The following HNRNPL variants were observed in gnomAD, a reference collection of about 807,000 sequenced individuals.
HNRNPL encodes the protein heterogeneous nuclear ribonucleoprotein L.
A neutral mutation model predicts 64.0 loss-of-function variants in HNRNPL; 12 were observed. That is an observed-to-expected ratio of 0.19 (90% confidence interval 0.12 to 0.30). The LOEUF (loss-of-function observed/expected upper bound fraction) is 0.30, where lower values mean the gene tolerates loss of function less well. Ranked by LOEUF, HNRNPL falls within the 10% of genes least tolerant of loss-of-function variation. The pLI is 1.00. For missense variants in HNRNPL, 484 were observed against 797.4 expected (o/e 0.61, Z 4.73); for synonymous variants, 385 against 313.0 (o/e 1.23, Z -2.43).
intron 6 of HNRNPL, among the ~76,000 whole-genome samples, chr19:38,842,689 C>T (rs1465276753): frequency 6.6e-6 from 1 of 152,002 alleles, no homozygotes; most frequent in Non-Finnish European, 1.5e-5. Context: ...AGTATGGTTC[C>T]TGAGGGGTGG....
rs1009842458 is a variant in HNRNPL, at chr19:38,843,714, C to T, written c.880+128G>A. The T allele has an allele frequency of 7.2e-5, 55 of 759,114 alleles. 1 individual carries two copies. In the East Asian group the frequency reaches 1.3e-3, roughly 18 times the overall value. The allele number at this position is 759,114 out of a possible 1,614,324, so 47.0% of individuals were successfully genotyped here. On this transcript the variant is annotated intron_variant, in intron 6 of 12. Coordinates refer to ENST00000221419, the MANE Select transcript of HNRNPL (RefSeq NM_001533.3). ...CCCACTAGGGTGTCCAAGTGCTGAC[C>T]CCAAGGCCCTCCCATGTCCATGGGG...
intron 12 of HNRNPL, chr19:38,837,114 C>T: frequency 1.8e-6 from 1 of 559,350 alleles, no homozygotes; most frequent in Non-Finnish European, 3.2e-6. Context: ...CTAAGCCAGT[C>T]TCTGATGCAA....
At chr19:38,838,622 C>G (rs1972008036) in intron 9 of HNRNPL, 24 bp from the exon 10 acceptor site, 2 of 1,605,320 alleles carry the variant, frequency 1.2e-6, no homozygotes, top group Non-Finnish European at 1.7e-6. Flanking sequence ...GAAAGGGGAG[C>G]CTTTGTCATA....
intron 4 of HNRNPL, 79 bp downstream of exon 4, chr19:38,845,571 G>T (rs1836001944): frequency 7.7e-6 from 9 of 1,165,274 alleles, no homozygotes; most frequent in Non-Finnish European, 1.2e-5. Context: ...GCAGACACAT[G>T]CTGGCTCAAA....
At chr19:38,841,658 G>A in intron 6 of HNRNPL, 4 of 1,284,636 alleles carry the variant, frequency 3.1e-6, no homozygotes, top group Non-Finnish European at 4.1e-6. Context: ...GAAAGATGGC[G>A]TCCCATCAAA....
intron 10 of HNRNPL, 81 bp downstream of exon 10, chr19:38,838,316 T>C: frequency 8.4e-7 from 1 of 1,193,076 alleles, no homozygotes; most frequent in Non-Finnish European, 1.2e-6. Context: ...AACAGCTATT[T>C]GCAGAAAAGA....
chr19:38,844,341 G>A (rs1972215101), intron 4 of HNRNPL, among the ~76,000 whole-genome samples: 1 of 152,080 alleles, frequency 6.6e-6, no homozygotes. Context: ...TCTGCACCCC[G>A]ACCCATGGCC....
At chr19:38,847,109 G>C (rs1158035041) in intron 2 of HNRNPL, among the ~76,000 whole-genome samples, 1 of 152,132 alleles carries the variant, frequency 6.6e-6, no homozygotes, top group Non-Finnish European at 1.5e-5. Context: ...AAACTACAAG[G>C]CAGAGGAAAA....
At chr19:38,845,587 G>T in intron 4 of HNRNPL, 63 bp downstream of exon 4, 1 of 1,325,410 alleles carries the variant, frequency 7.5e-7, no homozygotes, top group Non-Finnish European at 1.1e-6. Context: ...TCAAAGAATG[G>T]CCACTGTCAA....
At chr19:38,842,787 C>T (rs1025962855) in intron 6 of HNRNPL, among the ~76,000 whole-genome samples, 2 of 152,096 alleles carry the variant, frequency 1.3e-5, no homozygotes, top group Admixed American at 6.5e-5. Context: ...TGAGAGGCAT[C>T]AAAACCAATG....
In HNRNPL at chr19:38,843,594, G is replaced by A. The variant is rs186860993; in HGVS notation, c.880+248C>T. On this transcript the variant is annotated intron_variant, in intron 6 of 12. Coordinates refer to ENST00000221419, the MANE Select transcript of HNRNPL (RefSeq NM_001533.3). ...CATCCTCAGTGAGGCCCTGCTCCCC[G>A]CCCATCCAGGCTTCTGCCTTGCCTC... 1.7e-4 allele frequency: 88 copies of A among 523,990 alleles called. 1 individual carries two copies. The East Asian group carries it at 2.4e-3, about 14-fold the overall frequency. 32.5% of individuals were successfully genotyped at this position (523,990 alleles called of 1,614,324 possible). A position where few individuals can be genotyped will look rare whatever the true frequency, so the allele number is the denominator to read the frequency against.
rs752851856 is a variant in HNRNPL at position 38,840,213 on chromosome 19, T to C, written c.1116A>G (p.Pro372=). Residue 372 remains proline (P), a synonymous_variant, in exon 8 of 13, where the codon CCA becomes CCG. Transcript: ENST00000221419. ...QYGHPPPPPP[P]PEYGPHADSP... is the part of the protein sequence containing the mutation. The stretch of plus-strand genomic sequence containing the variant: ...TGTCGGCGTGAGGGCCATACTCGGG[T>C]GGTGGGGGAGGGGGTGGGGGGTGCC... The C allele has an allele frequency of 4.8e-5, 5 of 103,808 alleles. No individual in the cohort carries two copies. The allele number at this position is 103,808 out of a possible 1,614,324, so 6.4% of individuals were successfully genotyped here.
chr19:38,849,803 C>A lies in HNRNPL; in HGVS notation c.164G>T (p.Gly55Val). The A allele has an allele frequency of 7.4e-7, 1 of 1,343,300 alleles. No homozygotes were observed. Among genetic ancestry groups the A allele is most frequent in the Non-Finnish European group, 1.0e-6 (1 of 990,732 alleles). The allele number at this position is 1,343,300 out of a possible 1,614,324, so 83.2% of individuals were successfully genotyped here. The part of the protein sequence containing the change: ...GRYYGGGSEG[G>V]RAPKRLKTDN... ...AGTCTTGAGCCGCTTAGGGGCCCGGCCGCCCTCACTGCCGCCGCCGTAGTA... is the reference window on the plus strand; with the variant it reads ...AGTCTTGAGCCGCTTAGGGGCCCGGACGCCCTCACTGCCGCCGCCGTAGTA... The change falls in exon 1 of 13, where the codon GGC (glycine) becomes GTC (valine). Residue 55 changes from glycine to valine, a missense_variant. Gly to Val is a moderately radical substitution (Grantham distance 109). Around this residue, in one of 9 missense-constraint regions of HNRNPL, gnomAD observed 190 missense variants for 160.1 expected, o/e 1.19. Transcript: ENST00000221419.
At chr19:38,851,916 G>A (rs1440524559), upstream of HNRNPL, among the ~76,000 whole-genome samples, 1 of 152,132 alleles carries the variant, frequency 6.6e-6, no homozygotes, top group Non-Finnish European at 1.5e-5. Context: ...AACAGAGACG[G>A]GGGCGGGGCC....
At chr19:38,841,556 G>A in intron 6 of HNRNPL, 1 of 729,934 alleles carries the variant, frequency 1.4e-6, no homozygotes, top group East Asian at 6.4e-5. Flanking sequence ...ACTTACAGCA[G>A]AAGTACAGAG....
In HNRNPL at chr19:38,838,877, C is replaced by G; in HGVS notation, c.1355+17G>C. On this transcript the variant is annotated intron_variant, in intron 9 of 12. Coordinates refer to ENST00000221419, the MANE Select transcript of HNRNPL (RefSeq NM_001533.3). ...CTCCCCTGTACCTCTGCTGCCCTCCCGAGCCTGAGCACCTACCAGACATTC... is the reference window on the plus strand; with the variant it reads ...CTCCCCTGTACCTCTGCTGCCCTCCGGAGCCTGAGCACCTACCAGACATTC... The G allele has an allele frequency of 6.2e-7, 1 of 1,613,826 alleles. No homozygotes were observed. Among genetic ancestry groups the G allele is most frequent in the Non-Finnish European group, 8.5e-7 (1 of 1,179,982 alleles).
intron 2 of HNRNPL, 142 bp from the exon 3 acceptor site, chr19:38,846,232 T>G: frequency 1.4e-6 from 1 of 713,328 alleles, no homozygotes; most frequent in Admixed American, 2.1e-5. Flanking sequence ...CTGAACACCC[T>G]GTGCCACAAG....
chr19:38,836,732 T>G lies in HNRNPL; in HGVS notation c.1760A>C (p.His587Pro). 3 of 1,611,326 alleles carry G rather than the reference T, an allele frequency of 1.9e-6. No individual in the cohort carries two copies. The highest frequency in any genetic ancestry group is 2.5e-6 in the Non-Finnish European group (3 of 1,178,236). The change falls in exon 13 of 13, where the codon CAC becomes CCC. Residue 587 changes from histidine to proline, a missense_variant. Around this residue, in one of 9 missense-constraint regions of HNRNPL, gnomAD observed 69 missense variants for 91.8 expected, o/e 0.75. Coordinates refer to ENST00000221419, the MANE Select transcript of HNRNPL (RefSeq NM_001533.3). ...TLKLCFSTAQ[H>P]AS The stretch of plus-strand genomic sequence containing the variant: ...TTCCTAGGCACCTAATTAGGAGGCG[T>G]GCTGAGCAGTGGAGAAACACAACTT...
intron 6 of HNRNPL, 51 bp from the exon 7 acceptor site, chr19:38,840,610 C>G (rs748437040): frequency 2.8e-6 from 4 of 1,414,810 alleles, no homozygotes; most frequent in South Asian, 1.2e-5. Context: ...TGGGGTCTCT[C>G]CCTCCCTCCT....
Sources: gnomAD v4.1 joint callset for allele counts (sites outside exome capture counted in the v4.1 genomes callset) on GRCh38, gnomAD v4.1.1 for gene constraint, gnomAD v4.1.1 regional missense constraint, MANE v1.5 for transcripts, NCBI Gene and HGNC (gene_info 2026-07-23, HGNC 2026-07-21) for gene names.